Variants in CSMD1 observed in about 807,000 individuals in gnomAD.
CSMD1 encodes CUB and sushi domain-containing protein 1.
In CSMD1, 213 loss-of-function variants were observed where a neutral mutation model predicts 417.5. The ratio of observed to expected loss-of-function variants is 0.51; its 90% CI spans 0.46 to 0.57. CSMD1 has a LOEUF of 0.57. Among genes scored for constraint, CSMD1 ranks in the 20% least tolerant of loss-of-function variants. The pLI, the probability that CSMD1 is intolerant of heterozygous loss-of-function variation, is 0.00. For synonymous variants in CSMD1, 2,862 were observed against 1,736.8 expected (o/e 1.65, Z -16.11); for missense variants, 6,923 against 4,529.7 (o/e 1.53, Z -15.17).
At chr8:3,618,320 C>G (rs1028892686) in intron 7 of CSMD1, among the ~76,000 whole-genome samples, 2 of 152,106 alleles carry the variant, frequency 1.3e-5, no homozygotes, top group African/African-American at 2.4e-5. Flanking sequence ...TTATCTTTTA[C>G]TACTAAATGA....
Position 4,947,621 on chromosome 8 carries a change from T to C in CSMD1, c.85+46711A>G, listed in dbSNP as rs148822477. Among the ~76,000 whole-genome samples, 813 of 152,270 alleles carry C rather than the reference T, an allele frequency of 5.3e-3. 3 individuals are homozygous for C. Among genetic ancestry groups the C allele is most frequent in the African/African-American group, 0.019 (770 of 41,560 alleles). On this transcript the variant is annotated intron_variant, in intron 1 of 69. Coordinates refer to ENST00000635120, the MANE Select transcript of CSMD1 (RefSeq NM_033225.6). The stretch of plus-strand genomic sequence containing the variant: ...CCCTACATGTAAACTTACGGCATTC[T>C]TCTTCCTCCCCCCAGTGACAGATAA...
At chr8:3,426,708 T>G (rs980201346) in intron 12 of CSMD1, among the ~76,000 whole-genome samples, 4 of 152,198 alleles carry the variant, frequency 2.6e-5, no homozygotes, top group Admixed American at 6.5e-5. Context: ...CTAAGTCAAA[T>G]TATTGTGCTA....
chr8:4,930,413 A>G (rs1807169451), intron 1 of CSMD1, among the ~76,000 whole-genome samples: 1 of 152,122 alleles, frequency 6.6e-6, no homozygotes, highest in Admixed American at 6.5e-5. Context: ...ACATGCACAC[A>G]TCATTTTGAG....
chr8:4,927,447 G>C (rs1806944676), intron 1 of CSMD1, among the ~76,000 whole-genome samples: 1 of 152,094 alleles, frequency 6.6e-6, no homozygotes, highest in African/African-American at 2.4e-5. Flanking sequence ...GTTTAATGTA[G>C]GACTCAAGAA....
chr8:3,462,378 G>T (rs996135792), intron 12 of CSMD1, among the ~76,000 whole-genome samples: 3 of 152,166 alleles, frequency 2.0e-5, no homozygotes, highest in African/African-American at 7.2e-5. Context: ...GCTAGGAACT[G>T]GGCCACACAG....
At chr8:3,201,490 C>T (rs73660610) in intron 32 of CSMD1, 122 bp downstream of exon 32, 109 of 500,084 alleles carry the variant, frequency 2.2e-4, no homozygotes, top group South Asian at 2.4e-4. Flanking sequence ...TAAGCACACA[C>T]GCAAATTCAA....
chr8:3,485,207 G>C (rs1006623018), intron 11 of CSMD1, among the ~76,000 whole-genome samples: 13 of 152,164 alleles, frequency 8.5e-5, no homozygotes, highest in African/African-American at 3.1e-4. Context: ...TTCATACCTT[G>C]AAATACCAGC....
rs372940019 is a variant in CSMD1, at chr8:3,494,179, G to A, written c.1345-453C>T. On this transcript the variant is annotated intron_variant, in intron 10 of 69. Transcript: ENST00000635120. ...AATTATCCATATTAGCACCCCAAAA[G>A]ACTTTATGAGGATACAAAGCTCTCC... 1.7e-4 allele frequency among the ~76,000 whole-genome samples: 26 copies of A among 152,008 alleles called. 1 individual carries two copies. The East Asian group carries it at 4.3e-3, about 25-fold the overall frequency.
At chr8:4,029,777 G>A (rs1438131693) in intron 4 of CSMD1, among the ~76,000 whole-genome samples, 2 of 152,052 alleles carry the variant, frequency 1.3e-5, no homozygotes, top group South Asian at 2.1e-4. Flanking sequence ...TCTTATCTGA[G>A]ACAAAACAAG....
Position 3,219,308 on chromosome 8 carries a change from G to T in CSMD1, c.4619C>A (p.Ala1540Glu). The change falls in exon 29 of 70, where the codon GCA (alanine) becomes GAA (glutamate). Residue 1540 changes from alanine to glutamate, a missense_variant. By Grantham distance (107) the Ala-to-Glu change is moderately radical (BLOSUM62 -1). Coordinates refer to ENST00000635120, the MANE Select transcript of CSMD1 (RefSeq NM_033225.6). ...GCCCACGGAGGCATCACTCCGAAAT[G>T]CCAGAAACAGGCTGTTTCCGCTACT... The part of the protein sequence containing the change: ...IESSGNSLFL[A>E]FRSDASVGLS... The T allele has an allele frequency of 6.3e-7, 1 of 1,591,796 alleles. No individual in the cohort carries two copies.
At chr8:3,557,203 A>T (rs1477189425) in intron 10 of CSMD1, among the ~76,000 whole-genome samples, 10 of 152,142 alleles carry the variant, frequency 6.6e-5, no homozygotes, top group Admixed American at 6.5e-4. Context: ...GTTTCTCTGG[A>T]TATGTATTAG....
At position 4,301,888 on chromosome 8, in the gene CSMD1, CTCACT is replaced by C. The variant is rs879556330; in HGVS notation, c.415+118060_415+118064del. Among the ~76,000 whole-genome samples the C allele has an allele frequency of 1.0e-4, 15 of 143,972 alleles. No homozygotes were observed. The Middle Eastern group carries it at 0.011, about 104-fold the overall frequency. The allele number at this position is 143,972 out of a possible 152,430, so 94.5% of individuals were successfully genotyped here. A position where few individuals can be genotyped will look rare whatever the true frequency, so the allele number is the denominator to read the frequency against. On this transcript the variant is annotated intron_variant, in intron 3 of 69. Coordinates refer to ENST00000635120, the MANE Select transcript of CSMD1 (RefSeq NM_033225.6). The stretch of plus-strand genomic sequence containing the variant: ...CAAGCTTCACCATAAATTTGTTGTT[CTCACT>C]TCAAGTTTATTAGAATTTATGTTGC...
intron 3 of CSMD1, among the ~76,000 whole-genome samples, chr8:4,369,567 G>T (rs1015375057): frequency 3.3e-5 from 5 of 152,114 alleles, no homozygotes; most frequent in Admixed American, 2.0e-4. Context: ...TTATTGAGTG[G>T]TTGTCTAAGT....
chr8:3,758,926 G>C (rs886260682), intron 5 of CSMD1, among the ~76,000 whole-genome samples: 2 of 152,178 alleles, frequency 1.3e-5, no homozygotes, highest in Non-Finnish European at 2.9e-5. Flanking sequence ...CCAGGTAGAA[G>C]AGCCTGTGGA....
chr8:3,166,288 T>C (rs1395956213), intron 37 of CSMD1, among the ~76,000 whole-genome samples: 1 of 152,140 alleles, frequency 6.6e-6, no homozygotes, highest in African/African-American at 2.4e-5. Context: ...CCAGGCACTT[T>C]GGGAGGCCGA....
At chr8:3,850,201 A>C (rs970106200) in intron 5 of CSMD1, among the ~76,000 whole-genome samples, 8 of 152,256 alleles carry the variant, frequency 5.3e-5, no homozygotes, top group Admixed American at 4.6e-4. Context: ...GACTGTTTAC[A>C]CTTTTCTTTA....
intron 3 of CSMD1, among the ~76,000 whole-genome samples, chr8:4,066,132 C>T (rs1416341381): frequency 6.6e-6 from 1 of 151,650 alleles, no homozygotes; most frequent in Non-Finnish European, 1.5e-5. Flanking sequence ...TGTTCAAGCT[C>T]TTTTCTCTGT....
intron 26 of CSMD1, among the ~76,000 whole-genome samples, chr8:3,274,202 G>C (rs1441040857): frequency 6.6e-6 from 1 of 151,562 alleles, no homozygotes; most frequent in African/African-American, 2.4e-5. Flanking sequence ...AGTCATTCAG[G>C]AGCAGGTTGT....
Position 3,536,156 on chromosome 8 carries a change from C to T in CSMD1, c.1344+38789G>A, listed in dbSNP as rs570562826. Among the ~76,000 whole-genome samples, 4 of 152,288 alleles carry T rather than the reference C, an allele frequency of 2.6e-5. No homozygotes were observed. In the South Asian group the frequency reaches 8.3e-4, roughly 32 times the overall value. ...ATATCCGGATCATCAACTGTCATTA[C>T]ATAGGAGAGCACGGGGCTTTCAGCA... On this transcript the variant is annotated intron_variant, in intron 10 of 69. Coordinates refer to ENST00000635120, the MANE Select transcript of CSMD1 (RefSeq NM_033225.6).
Sources: allele counts gnomAD v4.1 joint callset (sites outside exome capture counted in the v4.1 genomes callset), GRCh38; gene constraint gnomAD v4.1.1; transcripts MANE v1.5; gene names NCBI Gene and HGNC (gene_info 2026-07-23, HGNC 2026-07-21).